CSMD3: variants seen among roughly 807,000 people sequenced by gnomAD.
CSMD3 encodes CUB and Sushi multiple domains 3, also known as CUB and sushi domain-containing protein 3.
A neutral mutation model predicts 435.2 loss-of-function variants in CSMD3; 177 were observed. The observed-to-expected ratio is 0.41, with a 90% CI of 0.36 to 0.46. The LOEUF (loss-of-function observed/expected upper bound fraction) is 0.46. CSMD3 is among the 20% of genes least tolerant of loss of function. The pLI is 0.34. For synonymous variants in CSMD3, 1,656 were observed against 1,520.5 expected (o/e 1.09, Z -2.07); for missense variants, 4,265 against 4,504.6 (o/e 0.95, Z 1.52).
rs965581723 is a variant in CSMD3, at chr8:113,135,009, T to C, written c.710-36046A>G. ...TCAATTACAATGAGATCTAATCCAGTCTCATGAGAAAAATATTAAGCCATC... is the reference window on the plus strand; with the variant it reads ...TCAATTACAATGAGATCTAATCCAGCCTCATGAGAAAAATATTAAGCCATC... On this transcript the variant is annotated intron_variant, in intron 4 of 70. Transcript: ENST00000297405. 1.7e-3 allele frequency among the ~76,000 whole-genome samples: 263 copies of C among 152,100 alleles called. 1 individual carries two copies. The highest frequency in any genetic ancestry group is 3.1e-3 in the Non-Finnish European group (208 of 67,962).
intron 27 of CSMD3, among the ~76,000 whole-genome samples, chr8:112,517,587 T>C (rs1823813692): frequency 6.6e-6 from 1 of 151,834 alleles, no homozygotes; most frequent in Non-Finnish European, 1.5e-5. Context: ...GGAAGAAAAT[T>C]AGCAATCAAT....
chr8:113,210,044 G>GTGTA (rs57446626), intron 3 of CSMD3, among the ~76,000 whole-genome samples: 7,703 of 149,324 alleles, frequency 0.052, 274 homozygotes, highest in Middle Eastern at 0.1. Context: ...GTGTGTGTGT[G>GTGTA]TGATACACAG....
chr8:113,395,074 T>C (rs2094477069), intron 1 of CSMD3, among the ~76,000 whole-genome samples: 2 of 143,152 alleles, frequency 1.4e-5, no homozygotes, highest in Admixed American at 1.6e-4. Flanking sequence ...GTGATACTGT[T>C]TTAGTGACTA....
chr8:112,940,521 A>C (rs2083420183), intron 9 of CSMD3, among the ~76,000 whole-genome samples: 1 of 151,746 alleles, frequency 6.6e-6, no homozygotes, highest in Non-Finnish European at 1.5e-5. Context: ...AGGGCATTTA[A>C]CTTTTTAATT....
chr8:112,758,363 A>T (rs868295474), intron 13 of CSMD3, among the ~76,000 whole-genome samples: 1 of 151,676 alleles, frequency 6.6e-6, no homozygotes, highest in Non-Finnish European at 1.5e-5. Context: ...AAAAAAAAAA[A>T]TTTAAAAAAG....
chr8:113,431,678 T>C (rs1467128664), intron 1 of CSMD3, among the ~76,000 whole-genome samples: 1 of 152,108 alleles, frequency 6.6e-6, no homozygotes, highest in Admixed American at 6.5e-5. Context: ...TCCACTTTTT[T>C]GCATTTGAGA....
intron 5 of CSMD3, among the ~76,000 whole-genome samples, chr8:113,045,180 A>G (rs1238253875): frequency 2.0e-5 from 3 of 149,236 alleles, no homozygotes; most frequent in South Asian, 2.1e-4. Flanking sequence ...GCTAAACAAA[A>G]CAAAACAAAC....
chr8:113,431,843 G>A (rs1200048342), intron 1 of CSMD3, among the ~76,000 whole-genome samples: 1 of 151,968 alleles, frequency 6.6e-6, no homozygotes, highest in African/African-American at 2.4e-5. Context: ...ATGACATTTG[G>A]TGTCTATTTG....
chr8:112,229,905 G>A (rs986914400), intron 69 of CSMD3, among the ~76,000 whole-genome samples: 3 of 147,814 alleles, frequency 2.0e-5, no homozygotes, highest in African/African-American at 7.5e-5. Flanking sequence ...AAAAAAAAAA[G>A]GAATTAAAAT....
intron 38 of CSMD3, among the ~76,000 whole-genome samples, chr8:112,365,443 T>C (rs1351596560): frequency 2.7e-5 from 4 of 146,904 alleles, no homozygotes. Flanking sequence ...ATGTATATTA[T>C]GAAAAAAAAT....
intron 59 of CSMD3, among the ~76,000 whole-genome samples, chr8:112,270,435 G>A (rs1817418091): frequency 6.8e-6 from 1 of 147,114 alleles, no homozygotes; most frequent in African/African-American, 2.5e-5. Context: ...AGGTATAGTT[G>A]CAAATAACTC....
At chr8:112,800,115 T>C (rs2132328665) in intron 13 of CSMD3, 47 bp downstream of exon 13, 1 of 1,231,296 alleles carries the variant, frequency 8.1e-7, no homozygotes, top group Non-Finnish European at 1.2e-6. Flanking sequence ...AAAAATATTC[T>C]CTGGTGGTAT....
intron 13 of CSMD3, among the ~76,000 whole-genome samples, chr8:112,762,931 T>G (rs1426843165): frequency 6.6e-6 from 1 of 151,680 alleles, no homozygotes; most frequent in Non-Finnish European, 1.5e-5. Flanking sequence ...AAGATATTGG[T>G]CAAAGGATGC....
At chr8:112,390,313 G>T (rs1049387510) in intron 36 of CSMD3, among the ~76,000 whole-genome samples, 10 of 152,148 alleles carry the variant, frequency 6.6e-5, no homozygotes, top group Non-Finnish European at 1.3e-4. Flanking sequence ...CTCAGGAGAA[G>T]GTGTCTAAGA....
At chr8:112,483,782 G>A (rs1015988805) in intron 31 of CSMD3, among the ~76,000 whole-genome samples, 65 of 152,288 alleles carry the variant, frequency 4.3e-4, no homozygotes, top group African/African-American at 1.5e-3. Context: ...TTTCTTAGTA[G>A]TTTGCCAAAC....
intron 9 of CSMD3, among the ~76,000 whole-genome samples, chr8:112,930,913 A>T (rs2083086257): frequency 6.6e-6 from 1 of 152,118 alleles, no homozygotes; most frequent in Non-Finnish European, 1.5e-5. Flanking sequence ...AAGGAATAAT[A>T]AATTATTGCA....
At chr8:112,937,076 T>C (rs943080157) in intron 9 of CSMD3, among the ~76,000 whole-genome samples, 23 of 152,126 alleles carry the variant, frequency 1.5e-4, no homozygotes, top group Non-Finnish European at 2.8e-4. Context: ...TTAGGCTTTG[T>C]TATTCATGTT....
At chr8:112,822,839 C>G (rs542957031) in intron 12 of CSMD3, among the ~76,000 whole-genome samples, 1 of 152,084 alleles carries the variant, frequency 6.6e-6, no homozygotes. Flanking sequence ...GAGTTTTTAA[C>G]ATGAAGAGGT....
chr8:112,311,485 C>T (rs757321815), intron 49 of CSMD3, among the ~76,000 whole-genome samples: 3 of 152,128 alleles, frequency 2.0e-5, no homozygotes, highest in Admixed American at 1.3e-4. Flanking sequence ...TTTTGGAAAC[C>T]GCATTTCCTG....
Sources: allele counts gnomAD v4.1 joint callset (sites outside exome capture counted in the v4.1 genomes callset), GRCh38; gene constraint gnomAD v4.1.1; transcripts MANE v1.5; gene names NCBI Gene and HGNC (gene_info 2026-07-23, HGNC 2026-07-21).